The following ABCC5 variants were observed in gnomAD, a reference collection of about 807,000 sequenced individuals.
ABCC5 encodes the protein ATP binding cassette subfamily C member 5.
Under a neutral mutation model 160.9 loss-of-function variants are expected in ABCC5, and 61 were observed. The ratio of observed to expected loss-of-function variants is 0.38; its 90% CI spans 0.31 to 0.47. ABCC5 has a LOEUF of 0.47. ABCC5 is among the 20% of genes least tolerant of loss of function. The pLI is 0.99. For synonymous variants in ABCC5, 666 were observed against 700.6 expected (o/e 0.95, Z 0.78); for missense variants, 1,308 against 1,813.3 (o/e 0.72, Z 5.06).
At chr3:183,923,248 C>T (rs1301106480) in intron 29 of ABCC5, among the ~76,000 whole-genome samples, 1 of 151,900 alleles carries the variant, frequency 6.6e-6, no homozygotes, top group Non-Finnish European at 1.5e-5. Flanking sequence ...GATAGAGTCC[C>T]TCATAAAGAG....
intron 2 of ABCC5, among the ~76,000 whole-genome samples, chr3:184,004,506 C>CAAAAA (rs34319740): frequency 3.9e-5 from 3 of 77,244 alleles, no homozygotes; most frequent in Non-Finnish European, 5.1e-5. Context: ...GACTCCGTCT[C>CAAAAA]AAAAAAAAAA....
rs1376452565 is a variant in ABCC5, at chr3:183,988,862, A to C, written c.288-135T>G. 2.7e-6 allele frequency: 3 copies of C among 1,121,224 alleles called. No homozygotes were observed. In the African/African-American group the frequency reaches 4.7e-5, roughly 18 times the overall value. The allele number at this position is 1,121,224 out of a possible 1,614,324, so 69.5% of individuals were successfully genotyped here. On this transcript the variant is annotated intron_variant, in intron 3 of 29. Transcript: ENST00000334444. This position sits in a 1 kb window ranked among gnomAD's most constrained non-coding sequence, Gnocchi z 4.4. ...CCCAGATGATCTAATCTTAGCCTGA[A>C]TGTTCTAAAACGGCTTTGATGGGCC... is the stretch of plus-strand genomic sequence containing the variant.
At position 183,953,216 on chromosome 3, in the gene ABCC5, T is replaced by C; in HGVS notation, c.2537A>G (p.Tyr846Cys). The change falls in exon 18 of 30, where the codon TAT (tyrosine) becomes TGT (cysteine). Residue 846 changes from tyrosine (Y) to cysteine (C), a missense_variant. This residue lies in a region of ABCC5 where 1,142 missense variants were observed against 1,527.1 expected (regional missense o/e 0.75). Transcript: ENST00000334444. ...KGQGSVPWSV[Y>C]GVYIQAAGGP... Reference sequence around the variant, plus strand: ...CCCAGCAGCCTGGATGTAGACACCATATACTGACCAGGGCACTGAACCCTG... The same window carrying C: ...CCCAGCAGCCTGGATGTAGACACCACATACTGACCAGGGCACTGAACCCTG... The C allele has an allele frequency of 6.2e-7, 1 of 1,614,128 alleles. No homozygotes were observed. Among genetic ancestry groups the C allele is most frequent in the Non-Finnish European group, 8.5e-7 (1 of 1,180,024 alleles).
intron 2 of ABCC5, 31 bp downstream of exon 2, chr3:184,014,233 A>G: frequency 6.3e-7 from 1 of 1,589,500 alleles, no homozygotes; most frequent in South Asian, 1.1e-5. Flanking sequence ...TACAACAAGC[A>G]GGTAAGAGAC....
At chr3:183,954,110 A>C (rs1000898216) in intron 17 of ABCC5, among the ~76,000 whole-genome samples, 2 of 152,052 alleles carry the variant, frequency 1.3e-5, no homozygotes, top group African/African-American at 4.8e-5. Context: ...AGGTTACTGA[A>C]AGACTCCATG....
intron 26 of ABCC5, 40 bp downstream of exon 26, chr3:183,937,861 C>CT: frequency 6.2e-7 from 1 of 1,607,858 alleles, no homozygotes; most frequent in Non-Finnish European, 8.5e-7. Context: ...CATCTGGCCT[C>CT]TAAGTGACGC....
chr3:183,982,365 A>T lies in ABCC5; in HGVS notation c.999+86T>A. The T allele has an allele frequency of 7.1e-7, 1 of 1,416,066 alleles. No homozygotes were observed. The highest frequency in any genetic ancestry group is 1.4e-5 in the South Asian group (1 of 72,024). The allele number at this position is 1,416,066 out of a possible 1,614,324, so 87.7% of individuals were successfully genotyped here. A position where few individuals can be genotyped will look rare whatever the true frequency, so the allele number is the denominator to read the frequency against. On this transcript the variant is annotated intron_variant, in intron 7 of 29. Coordinates refer to ENST00000334444, the MANE Select transcript of ABCC5 (RefSeq NM_005688.4). The surrounding 1 kb of genome is among the most constrained non-coding windows in gnomAD (Gnocchi z 5.2). Reference sequence around the variant, plus strand: ...GGAAATTTCCAATCAGAGCTGTGAGACCTCAGCAATGCCTACTATAACCCA... The same window carrying T: ...GGAAATTTCCAATCAGAGCTGTGAGTCCTCAGCAATGCCTACTATAACCCA...
At chr3:183,961,043 C>G (rs73179663) in intron 16 of ABCC5, among the ~76,000 whole-genome samples, 4 of 152,278 alleles carry the variant, frequency 2.6e-5, no homozygotes, top group Non-Finnish European at 5.9e-5. Flanking sequence ...TCCACCTCAG[C>G]CTCCAAAAAT....
intron 2 of ABCC5, among the ~76,000 whole-genome samples, chr3:184,002,890 G>A (rs1263767698): frequency 6.6e-6 from 1 of 152,192 alleles, no homozygotes; most frequent in Non-Finnish European, 1.5e-5. Context: ...TGGCAACAGA[G>A]AGGTACCTCG....
chr3:183,951,985 C>T lies in ABCC5; in HGVS notation c.2686G>A (p.Gly896Arg). 1 of 1,611,922 alleles carries T rather than the reference C, an allele frequency of 6.2e-7. No individual in the cohort carries two copies. The highest frequency in any genetic ancestry group is 8.5e-7 in the Non-Finnish European group (1 of 1,178,360). The stretch of plus-strand genomic sequence containing the variant: ...CTGTCACTCACCGAGGTCTCGTTCC[C>T]TCGAGTCACAGTGGTGTTCTGTTTG... ...QGSGNTTVTR[G>R]NETSVSDSMK... Residue 896 changes from glycine to arginine, a missense_variant, in exon 19 of 30, where the codon GGG (glycine) becomes AGG (arginine). Physicochemically the swap from Gly to Arg is moderately radical, Grantham distance 125 (BLOSUM62 -2). Coordinates refer to ENST00000334444, the MANE Select transcript of ABCC5 (RefSeq NM_005688.4). This position sits in a 1 kb window ranked among gnomAD's most constrained non-coding sequence, Gnocchi z 4.7.
chr3:183,998,998 A>G (rs970167817), intron 2 of ABCC5, among the ~76,000 whole-genome samples: 3 of 151,936 alleles, frequency 2.0e-5, no homozygotes, highest in African/African-American at 7.3e-5. Context: ...GGTGAGGCAG[A>G]AGAATTGCTT....
intron 2 of ABCC5, among the ~76,000 whole-genome samples, chr3:184,009,090 C>A (rs1391128604): frequency 6.6e-6 from 1 of 152,118 alleles, no homozygotes; most frequent in Non-Finnish European, 1.5e-5. Context: ...GTCTTGCACT[C>A]CCAGGCTCAA....
intron 10 of ABCC5, among the ~76,000 whole-genome samples, chr3:183,972,988 A>G (rs1280324479): frequency 6.6e-6 from 1 of 150,588 alleles, no homozygotes; most frequent in Non-Finnish European, 1.5e-5. Context: ...TGAAATTAAG[A>G]TGTAAAACAC....
At chr3:183,948,996 AC>A (rs1400316646) in intron 22 of ABCC5, among the ~76,000 whole-genome samples, 2 of 152,156 alleles carry the variant, frequency 1.3e-5, no homozygotes, top group Admixed American at 6.6e-5. Context: ...GAGCCACTGT[AC>A]CCAGCCTGAT....
intron 2 of ABCC5, among the ~76,000 whole-genome samples, chr3:183,991,767 G>A (rs1016080006): frequency 3.9e-5 from 6 of 152,168 alleles, no homozygotes; most frequent in African/African-American, 1.4e-4. Flanking sequence ...TAGGGACTAC[G>A]GCACTTGATA....
At chr3:183,974,003 A>C (rs1403416682) in intron 10 of ABCC5, among the ~76,000 whole-genome samples, 1 of 152,110 alleles carries the variant, frequency 6.6e-6, no homozygotes, top group Non-Finnish European at 1.5e-5. Context: ...CTACCAGGAG[A>C]GTTTCGGCTT....
chr3:183,955,621 ATC>A (rs1715805324), intron 17 of ABCC5, among the ~76,000 whole-genome samples: 1 of 152,206 alleles, frequency 6.6e-6, no homozygotes, highest in African/African-American at 2.4e-5. Flanking sequence ...ACATCTGCAG[ATC>A]TGTTACATGC....
chr3:183,934,850 C>T (rs1286422756), intron 26 of ABCC5, among the ~76,000 whole-genome samples: 2 of 151,152 alleles, frequency 1.3e-5, no homozygotes, highest in Non-Finnish European at 1.5e-5. Flanking sequence ...ACTCTAGAAG[C>T]CCCCATTTCA....
chr3:183,939,028 T>C (rs973461549), intron 25 of ABCC5, among the ~76,000 whole-genome samples: 2 of 152,226 alleles, frequency 1.3e-5, no homozygotes, highest in African/African-American at 4.8e-5. Context: ...CGAGATGACA[T>C]CATCAATCTC....
Sources: gnomAD v4.1 joint callset for allele counts (sites outside exome capture counted in the v4.1 genomes callset) on GRCh38, gnomAD v4.1.1 for gene constraint, gnomAD v4.1.1 regional missense constraint, Gnocchi (gnomAD v3.1) non-coding constraint, MANE v1.5 for transcripts, NCBI Gene and HGNC (gene_info 2026-07-23, HGNC 2026-07-21) for gene names.